The following DLGAP4 variants were observed in gnomAD, a reference collection of about 807,000 sequenced individuals.
DLGAP4 encodes the protein disks large-associated protein 4.
In DLGAP4, 18 loss-of-function variants were observed where a neutral mutation model predicts 86.9. That is an observed-to-expected ratio of 0.21 (90% CI 0.14 to 0.31). DLGAP4 has a LOEUF of 0.31. DLGAP4 is among the 10% of genes least tolerant of loss of function. The probability of loss-of-function intolerance (pLI) is 1.00; values close to 1 mark genes in which losing one functional copy is unlikely to be tolerated. For synonymous variants in DLGAP4, 548 were observed against 574.3 expected (o/e 0.95, Z 0.65); for missense variants, 1,085 against 1,362.6 (o/e 0.80, Z 3.21).
At chr20:36,332,830 C>T (rs372857616) in intron 1 of DLGAP4, among the ~76,000 whole-genome samples, 3 of 152,096 alleles carry the variant, frequency 2.0e-5, no homozygotes, top group Admixed American at 2.0e-4. Flanking sequence ...CAGTCAAGGC[C>T]CCTTCTGAGC....
chr20:36,458,996 C>G (rs559566281), intron 7 of DLGAP4, among the ~76,000 whole-genome samples: 4 of 152,244 alleles, frequency 2.6e-5, no homozygotes, highest in African/African-American at 9.6e-5. Context: ...ACTCCTCTAA[C>G]TGCCAGTTCT....
intron 1 of DLGAP4, among the ~76,000 whole-genome samples, chr20:36,328,174 G>A (rs989946572): frequency 5.3e-5 from 8 of 151,650 alleles, no homozygotes; most frequent in Admixed American, 1.3e-4. Context: ...ATTCCAGCCC[G>A]GACAACAGAG....
At position 36,500,703 on chromosome 20, in the gene DLGAP4, G is replaced by A; in HGVS notation, c.2512+92G>A. ...CCAGCAGCTTCCGAACTTCTGAGTG[G>A]GGGTCTCTTAGGTTCTCTTCTTGGG... is the stretch of plus-strand genomic sequence containing the variant. On this transcript the variant is annotated intron_variant, in intron 10 of 12. Coordinates refer to ENST00000339266, the MANE Select transcript of DLGAP4 (RefSeq NM_001365621.2). The surrounding 1 kb of genome is among the most constrained non-coding windows in gnomAD (Gnocchi z 4.6). 1 of 1,284,152 alleles carries A rather than the reference G, an allele frequency of 7.8e-7. No homozygotes were observed. The highest frequency in any genetic ancestry group is 1.0e-6 in the Non-Finnish European group (1 of 978,310). 79.5% of individuals were successfully genotyped at this position (1,284,152 alleles called of 1,614,324 possible). A position where few individuals can be genotyped will look rare whatever the true frequency, so the allele number is the denominator to read the frequency against.
intron 6 of DLGAP4, 21 bp downstream of exon 6, chr20:36,442,798 C>G: frequency 6.2e-7 from 1 of 1,614,190 alleles, no homozygotes; most frequent in Non-Finnish European, 8.5e-7. Flanking sequence ...TTGCCCTTCT[C>G]TTCCACCCCA....
At chr20:36,455,320 C>T (rs191442027) in intron 7 of DLGAP4, among the ~76,000 whole-genome samples, 387 of 152,232 alleles carry the variant, frequency 2.5e-3, no homozygotes, top group Non-Finnish European at 4.8e-3. Context: ...GCCCTCCTCC[C>T]CGTCCTCCCT....
intron 7 of DLGAP4, among the ~76,000 whole-genome samples, chr20:36,448,223 A>G (rs1191585815): frequency 2.0e-5 from 3 of 152,046 alleles, no homozygotes; most frequent in Admixed American, 6.6e-5. Context: ...GTTGGCATAT[A>G]CCTGTGGTCC....
rs35876821 is a variant in DLGAP4 at position 36,528,446 on chromosome 20, A to ACCC, written c.*1422_*1424dup. On this transcript the variant is annotated 3_prime_UTR_variant, in exon 13 of 13. Coordinates refer to ENST00000339266, the MANE Select transcript of DLGAP4 (RefSeq NM_001365621.2). ...TGGCTGGCGCTTGCTGCAGGGGGGG[A>ACCC]CCCCCCCCCGTCCCCAGGTGAACCA... 6.8e-4 allele frequency: 96 copies of ACCC among 141,402 alleles called. No homozygotes were observed. Among genetic ancestry groups the ACCC allele is most frequent in the Middle Eastern group, 3.8e-3 (1 of 262 alleles). The allele number at this position is 141,402 out of a possible 1,614,324, so 8.8% of individuals were successfully genotyped here. A position where few individuals can be genotyped will look rare whatever the true frequency, so the allele number is the denominator to read the frequency against.
chr20:36,436,051 T>C (rs2033265276), intron 3 of DLGAP4, 58 bp from the exon 4 acceptor site: 3 of 1,485,916 alleles, frequency 2.0e-6, no homozygotes, highest in Non-Finnish European at 8.9e-7. Context: ...AGATGGGGGT[T>C]CTCGCCATCT....
At chr20:36,464,528 C>T (rs190359740) in intron 7 of DLGAP4, among the ~76,000 whole-genome samples, 1 of 152,120 alleles carries the variant, frequency 6.6e-6, no homozygotes, top group Non-Finnish European at 1.5e-5. Flanking sequence ...TGAGATCATG[C>T]CACTGCACTC....
At chr20:36,361,614 G>A (rs949425430) in intron 1 of DLGAP4, among the ~76,000 whole-genome samples, 3 of 152,124 alleles carry the variant, frequency 2.0e-5, no homozygotes, top group Non-Finnish European at 4.4e-5. Context: ...GTACTGGCCC[G>A]GACGGGGGCG....
intron 1 of DLGAP4, among the ~76,000 whole-genome samples, chr20:36,332,379 T>C (rs2065278259): frequency 6.6e-6 from 1 of 151,912 alleles, no homozygotes; most frequent in Non-Finnish European, 1.5e-5. Flanking sequence ...GTTTTTTTTG[T>C]TTTGTTTTGT....
chr20:36,366,857 G>C (rs2030705816), intron 1 of DLGAP4, among the ~76,000 whole-genome samples, 188 bp from the exon 2 acceptor site: 1 of 152,150 alleles, frequency 6.6e-6, no homozygotes, highest in South Asian at 2.1e-4. Flanking sequence ...AAAAAACAAT[G>C]TGGGTGCTCA....
intron 1 of DLGAP4, among the ~76,000 whole-genome samples, chr20:36,307,688 G>C (rs1351466458): frequency 6.6e-6 from 1 of 152,114 alleles, no homozygotes; most frequent in East Asian, 1.9e-4. Flanking sequence ...GCGGGAGGGG[G>C]CTGCAGTTCC....
chr20:36,525,428 A>AGACTT (rs1449986773), intron 11 of DLGAP4: 7 of 236,422 alleles, frequency 3.0e-5, no homozygotes, highest in Non-Finnish European at 5.9e-5. Flanking sequence ...AGACCTACAG[A>AGACTT]GACTTGGGGG....
chr20:36,373,717 GA>G (rs528403351), intron 2 of DLGAP4, among the ~76,000 whole-genome samples: 1 of 151,732 alleles, frequency 6.6e-6, no homozygotes, highest in East Asian at 1.9e-4. Context: ...TTCAAAATCA[GA>G]AAAAAAACAA....
At chr20:36,322,405 C>T (rs377574249) in intron 1 of DLGAP4, among the ~76,000 whole-genome samples, 3 of 152,034 alleles carry the variant, frequency 2.0e-5, no homozygotes, top group South Asian at 2.1e-4. Context: ...TGGGTTGTGG[C>T]GCCAGAAGGT....
At position 36,333,563 on chromosome 20, in the gene DLGAP4, T is replaced by C. The variant is rs1302486279; in HGVS notation, c.-304+27051T>C. ...TATCCAGTGGATGGCTTTGATTCCT[T>C]GTAGCAGTCCTGTGAGGAAACTGAG... On this transcript the variant is annotated intron_variant, in intron 1 of 12. Transcript: ENST00000339266. 3.3e-5 allele frequency among the ~76,000 whole-genome samples: 5 copies of C among 152,188 alleles called. No homozygotes were observed. In the East Asian group the frequency reaches 9.6e-4, roughly 29 times the overall value.
chr20:36,453,864 C>T (rs1223129397), intron 7 of DLGAP4, among the ~76,000 whole-genome samples: 2 of 128,152 alleles, frequency 1.6e-5, no homozygotes, highest in Non-Finnish European at 3.1e-5. Flanking sequence ...ACCCAGGAGG[C>T]GGAGGTTGCA....
intron 10 of DLGAP4, among the ~76,000 whole-genome samples, chr20:36,513,277 G>A (rs888212324): frequency 2.0e-5 from 3 of 151,628 alleles, no homozygotes; most frequent in Non-Finnish European, 2.9e-5. Flanking sequence ...GGCCGGGCGC[G>A]GTGGCTCACG....
Sources: allele counts gnomAD v4.1 joint callset (sites outside exome capture counted in the v4.1 genomes callset), GRCh38; gene constraint gnomAD v4.1.1; non-coding constraint Gnocchi (gnomAD v3.1); transcripts MANE v1.5; gene names NCBI Gene and HGNC (gene_info 2026-07-23, HGNC 2026-07-21).